The following NR2C2 variants were observed in gnomAD, a reference collection of about 807,000 sequenced individuals.
NR2C2 encodes nuclear receptor subfamily 2 group C member 2.
NR2C2 carries 6 observed loss-of-function variants against 62.9 expected under a neutral mutation model. The observed-to-expected ratio is 0.10, with a 90% CI of 0.05 to 0.19. The LOEUF is 0.19. Among genes scored for constraint, NR2C2 ranks in the 10% least tolerant of loss-of-function variants. NR2C2 has a pLI of 1.00. For missense variants in NR2C2, 479 were observed against 762.7 expected (o/e 0.63, Z 4.38); for synonymous variants, 272 against 273.8 (o/e 0.99, Z 0.07).
chr3:14,987,068 A>G (rs1428819155), intron 1 of NR2C2, among the ~76,000 whole-genome samples: 2 of 152,142 alleles, frequency 1.3e-5, no homozygotes, highest in Non-Finnish European at 1.5e-5. Flanking sequence ...TTAGATGGGT[A>G]AGAAGAGTTT....
At chr3:15,025,154 C>T (rs1481759460) in intron 7 of NR2C2, among the ~76,000 whole-genome samples, 1 of 152,240 alleles carries the variant, frequency 6.6e-6, no homozygotes, top group Admixed American at 6.5e-5. Context: ...GTGGCTCTGA[C>T]TGCATGGTCA....
At chr3:15,024,493 C>G (rs78460072) in intron 7 of NR2C2, among the ~76,000 whole-genome samples, 2,481 of 152,224 alleles carry the variant, frequency 0.016, 60 homozygotes, top group African/African-American at 0.056. Context: ...TTTTCTTTTT[C>G]TCTTATACAC....
At chr3:14,957,631 G>A (rs2039564288) in intron 1 of NR2C2, among the ~76,000 whole-genome samples, 1 of 152,116 alleles carries the variant, frequency 6.6e-6, no homozygotes, top group Non-Finnish European at 1.5e-5. Flanking sequence ...GCCCAGGCTG[G>A]ATATGAAATA....
chr3:14,949,644 T>C (rs1214575056), intron 1 of NR2C2, among the ~76,000 whole-genome samples: 8 of 152,236 alleles, frequency 5.3e-5, no homozygotes, highest in South Asian at 2.1e-4. Context: ...CAGCCTCTTA[T>C]ATACATTTTC....
intron 1 of NR2C2, among the ~76,000 whole-genome samples, chr3:14,959,945 T>G (rs1023204918): frequency 1.3e-5 from 2 of 152,222 alleles, no homozygotes; most frequent in African/African-American, 4.8e-5. Context: ...CCCATATAGA[T>G]AATCCATTTT....
At position 14,947,745 on chromosome 3, in the gene NR2C2, G is replaced by A. The variant is rs182533709; in HGVS notation, c.-201G>A. ...CCCGCCACCCCGCTCCCACCTCGGC[G>A]TCTCGTCTCTCGCCCGCTGCCCCGC... On this transcript the variant is annotated 5_prime_UTR_variant, in exon 1 of 14. Coordinates refer to ENST00000425241, the MANE Select transcript of NR2C2 (RefSeq NM_001291694.2). 0.019 allele frequency: 2,847 copies of A among 148,844 alleles called. 86 individuals carry two copies. Among genetic ancestry groups the A allele is most frequent in the African/African-American group, 0.066 (2,688 of 40,698 alleles). The allele number at this position is 148,844 out of a possible 1,614,324, so 9.2% of individuals were successfully genotyped here.
chr3:14,954,408 G>T (rs1472397429), intron 1 of NR2C2, among the ~76,000 whole-genome samples: 2 of 152,148 alleles, frequency 1.3e-5, no homozygotes, highest in East Asian at 3.8e-4. Flanking sequence ...AAAGAAAGCA[G>T]TACATCAAAA....
intron 1 of NR2C2, among the ~76,000 whole-genome samples, chr3:14,979,265 G>A (rs1488358370): frequency 6.6e-6 from 1 of 152,096 alleles, no homozygotes; most frequent in East Asian, 1.9e-4. Context: ...TGGAATTCAG[G>A]GAAAGTATTA....
intron 1 of NR2C2, among the ~76,000 whole-genome samples, chr3:14,960,858 G>A (rs904033252): frequency 6.6e-6 from 1 of 152,166 alleles, no homozygotes; most frequent in Non-Finnish European, 1.5e-5. Flanking sequence ...TAACAAGTCA[G>A]TTGACTTTTC....
At position 15,017,882 on chromosome 3, in the gene NR2C2, T is replaced by C. The variant is rs1367947837; in HGVS notation, c.376+1628T>C. ...CCTCCTTGGCAATGTAGCTATGAAA[T>C]TGGATTATACAAACAAGACAGAATC... is the stretch of plus-strand genomic sequence containing the variant. On this transcript the variant is annotated intron_variant, in intron 4 of 13. Transcript: ENST00000425241. Among the ~76,000 whole-genome samples, 7 of 152,232 alleles carry C rather than the reference T, an allele frequency of 4.6e-5. No individual in the cohort carries two copies. The East Asian group carries it at 1.4e-3, about 29-fold the overall frequency.
At chr3:15,006,305 C>G (rs978738216) in intron 2 of NR2C2, among the ~76,000 whole-genome samples, 3 of 152,074 alleles carry the variant, frequency 2.0e-5, no homozygotes, top group Non-Finnish European at 2.9e-5. Context: ...ATTTATTTAC[C>G]TTTTTGCAAA....
Position 15,048,555 on chromosome 3 carries a change from A to G in NR2C2, c.*5547A>G, listed in dbSNP as rs1008814470. The G allele has an allele frequency of 6.6e-6, 1 of 152,668 alleles. No individual in the cohort carries two copies. The highest frequency in any genetic ancestry group is 2.4e-5 in the African/African-American group (1 of 41,468). The allele number at this position is 152,668 out of a possible 1,614,324, so 9.5% of individuals were successfully genotyped here. On this transcript the variant is annotated 3_prime_UTR_variant, in exon 14 of 14. Transcript: ENST00000425241. ...CATTTATTGATTGATAGACTGTTAA[A>G]ATTTAATGTTTGGAATAACATTTGG...
chr3:15,011,484 C>G (rs558095100), intron 2 of NR2C2, among the ~76,000 whole-genome samples: 1 of 152,338 alleles, frequency 6.6e-6, no homozygotes, highest in Non-Finnish European at 1.5e-5. Context: ...TGTCTGCAAT[C>G]TTTCAGTTGA....
chr3:14,988,741 AT>A (rs1434794670), intron 1 of NR2C2, among the ~76,000 whole-genome samples: 1 of 151,718 alleles, frequency 6.6e-6, no homozygotes, highest in Non-Finnish European at 1.5e-5. Context: ...CTCTTGATTA[AT>A]TTTTTTTCTC....
rs184396701 is a variant in NR2C2 at position 15,032,541 on chromosome 3, C to A, written c.1232+41C>A. ...CTGTGCATGTATCCTCGGGCAGGAG[C>A]CTTCCTCTCCCTAGGAATGACCTGG... On this transcript the variant is annotated intron_variant, in intron 10 of 13. Coordinates refer to ENST00000425241, the MANE Select transcript of NR2C2 (RefSeq NM_001291694.2). 80 of 1,613,240 alleles carry A rather than the reference C, an allele frequency of 5.0e-5. No homozygotes were observed. In the East Asian group the frequency reaches 1.7e-3, roughly 34 times the overall value.
intron 11 of NR2C2, 150 bp from the exon 12 acceptor site, chr3:15,037,850 C>A: frequency 4.8e-6 from 4 of 837,750 alleles, no homozygotes; most frequent in African/African-American, 1.7e-5. Context: ...TCATCTGCAG[C>A]TGGAAAATGA....
chr3:15,039,435 A>C, intron 13 of NR2C2, among the ~76,000 whole-genome samples: 1 of 152,116 alleles, frequency 6.6e-6, no homozygotes, highest in East Asian at 1.9e-4. Context: ...GGTGGTGTAG[A>C]GTGTAGACAG....
At chr3:15,032,747 G>A (rs1237828204) in intron 10 of NR2C2, among the ~76,000 whole-genome samples, 1 of 152,132 alleles carries the variant, frequency 6.6e-6, no homozygotes, top group East Asian at 1.9e-4. Flanking sequence ...TAGGAGCTGG[G>A]GATGGAGAAG....
rs1254617505 is a variant in NR2C2 at position 15,047,608 on chromosome 3, A to G, written c.*4600A>G. Reference sequence around the variant, plus strand: ...AGGCCTGACTCCCAAAGATGGTAGCAATTTCCCAGGCTTGCGCTGTGCTCA... The same window carrying G: ...AGGCCTGACTCCCAAAGATGGTAGCGATTTCCCAGGCTTGCGCTGTGCTCA... On this transcript the variant is annotated 3_prime_UTR_variant, in exon 14 of 14. Coordinates refer to ENST00000425241, the MANE Select transcript of NR2C2 (RefSeq NM_001291694.2). 2 of 152,238 alleles carry G rather than the reference A, an allele frequency of 1.3e-5. No individual in the cohort carries two copies. Among genetic ancestry groups the G allele is most frequent in the Admixed American group, 1.3e-4 (2 of 15,282 alleles). The allele number at this position is 152,238 out of a possible 1,614,324, so 9.4% of individuals were successfully genotyped here. A position where few individuals can be genotyped will look rare whatever the true frequency, so the allele number is the denominator to read the frequency against.
Sources: allele counts gnomAD v4.1 joint callset (sites outside exome capture counted in the v4.1 genomes callset), GRCh38; gene constraint gnomAD v4.1.1; transcripts MANE v1.5; gene names NCBI Gene and HGNC (gene_info 2026-07-23, HGNC 2026-07-21).